Variants in BCAS3 observed in about 807,000 individuals in gnomAD.
The protein encoded by BCAS3 is BCAS3 microtubule associated cell migration factor.
In BCAS3, 53 loss-of-function variants were observed where a neutral mutation model predicts 116.1. The observed-to-expected ratio is 0.46, with a 90% CI of 0.37 to 0.57. The LOEUF (loss-of-function observed/expected upper bound fraction) is 0.57, where lower values mean the gene tolerates loss of function less well. Ranked by LOEUF, BCAS3 falls within the 20% of genes least tolerant of loss-of-function variation. The pLI is 0.00. For synonymous variants in BCAS3, 391 were observed against 408.2 expected (o/e 0.96, Z 0.51); for missense variants, 917 against 1,165.4 (o/e 0.79, Z 3.10).
Position 60,990,023 on chromosome 17 carries a change from T to G in BCAS3, c.1274T>G (p.Leu425Arg). ...HDCRWVVVST[L>R]RGTSHVFPIN... ...TGTCGCTGGGTTGTGGTCAGTACTC[T>G]CCGGGGTACTTCCCACGTTTTCCCC... is the stretch of plus-strand genomic sequence containing the variant. The change falls in exon 15 of 24, where the codon CTC (leucine) becomes CGC (arginine). Residue 425 changes from leucine (L) to arginine (R), a missense_variant. By Grantham distance (102) the Leu-to-Arg change is moderately radical (BLOSUM62 -2). Around this residue, in one of 3 missense-constraint regions of BCAS3, gnomAD observed 807 missense variants for 1,026.0 expected, o/e 0.79. Transcript: ENST00000407086. The surrounding 1 kb of genome is among the most constrained non-coding windows in gnomAD (Gnocchi z 5.1). 1 of 1,614,196 alleles carries G rather than the reference T, an allele frequency of 6.2e-7. No homozygotes were observed. The highest frequency in any genetic ancestry group is 8.5e-7 in the Non-Finnish European group (1 of 1,180,012).
At chr17:61,175,683 A>G (rs1009686357) in intron 22 of BCAS3, among the ~76,000 whole-genome samples, 1 of 152,172 alleles carries the variant, frequency 6.6e-6, no homozygotes, top group African/African-American at 2.4e-5. Context: ...CCCACCAACA[A>G]TACACTGTGG....
At chr17:60,944,034 A>G (rs1207964624) in intron 13 of BCAS3, among the ~76,000 whole-genome samples, 1 of 152,096 alleles carries the variant, frequency 6.6e-6, no homozygotes, top group Non-Finnish European at 1.5e-5. Flanking sequence ...AAAAGAAGAA[A>G]GTTCCTGAAA....
Position 61,083,666 on chromosome 17 carries a change from G to C in BCAS3, c.2328-801G>C, listed in dbSNP as rs2143531705. 6.6e-6 allele frequency among the ~76,000 whole-genome samples: 1 copy of C among 151,188 alleles called. No individual in the cohort carries two copies. Among genetic ancestry groups the C allele is most frequent in the African/African-American group, 2.4e-5 (1 of 41,102 alleles). Reference sequence around the variant, plus strand: ...GCTGGAGTGCAGTGGCACGATCTTGGCTCATTGCAACCTCTGGTTTTTGGG... The same window carrying C: ...GCTGGAGTGCAGTGGCACGATCTTGCCTCATTGCAACCTCTGGTTTTTGGG... On this transcript the variant is annotated intron_variant, in intron 21 of 23. Transcript: ENST00000407086. The surrounding 1 kb of genome is among the most constrained non-coding windows in gnomAD (Gnocchi z 4.9).
At chr17:60,727,365 A>AGC (rs1214230351) in intron 5 of BCAS3, 2 of 1,541,992 alleles carry the variant, frequency 1.3e-6, no homozygotes, top group African/African-American at 2.7e-5. Context: ...TTCCGATCAT[A>AGC]GCGCCTCTTT....
At chr17:60,875,013 CAT>C (rs2055459558) in intron 9 of BCAS3, among the ~76,000 whole-genome samples, 1 of 152,086 alleles carries the variant, frequency 6.6e-6, no homozygotes, top group Admixed American at 6.6e-5. Context: ...GATTTAGTTT[CAT>C]ATAGCTGTTT....
At position 61,008,129 on chromosome 17, in the gene BCAS3, C is replaced by T. The variant is rs971420228; in HGVS notation, c.1487-7622C>T. 6.6e-6 allele frequency among the ~76,000 whole-genome samples: 1 copy of T among 152,040 alleles called. No homozygotes were observed. The highest frequency in any genetic ancestry group is 6.6e-5 in the Admixed American group (1 of 15,244). On this transcript the variant is annotated intron_variant, in intron 15 of 23. Coordinates refer to ENST00000407086, the MANE Select transcript of BCAS3 (RefSeq NM_017679.5). This position sits in a 1 kb window ranked among gnomAD's most constrained non-coding sequence, Gnocchi z 4.6. ...GGCTCCTGTGAACAAGCATTGCTTC[C>T]GCCCAGTTTGGTATGTGGGTCAGAA...
chr17:61,370,534 G>A (rs564463219), intron 23 of BCAS3, among the ~76,000 whole-genome samples: 45 of 152,138 alleles, frequency 3.0e-4, no homozygotes, highest in African/African-American at 9.4e-4. Flanking sequence ...GATTACAGGC[G>A]CCCGCTACCA....
At chr17:61,290,356 T>C (rs2052262859) in intron 22 of BCAS3, among the ~76,000 whole-genome samples, 1 of 152,116 alleles carries the variant, frequency 6.6e-6, no homozygotes, top group Non-Finnish European at 1.5e-5. Flanking sequence ...AAAAATTATA[T>C]AGATGAAAAA....
At chr17:60,727,351 CTG>C (rs2039989235) in intron 5 of BCAS3, 2 of 1,500,104 alleles carry the variant, frequency 1.3e-6, no homozygotes, top group African/African-American at 2.7e-5. Flanking sequence ...CATAGCCACT[CTG>C]CTTCCGATCA....
chr17:61,123,654 A>G (rs1226852912), intron 22 of BCAS3, among the ~76,000 whole-genome samples: 1 of 151,722 alleles, frequency 6.6e-6, no homozygotes, highest in Non-Finnish European at 1.5e-5. Flanking sequence ...ACTCAGTCCC[A>G]GAAGACCTAA....
rs777815679 is a variant in BCAS3 at position 61,078,425 on chromosome 17, A to G, written c.2223A>G (p.Thr741=). Residue 741 remains threonine (T), a synonymous_variant, in exon 21 of 24, where the codon ACA becomes ACG. Transcript: ENST00000407086. ...CCATCCATCCCTCAGGCCAAACCAC[A>G]GTTATCTCATCCAGTTCATCTGTGT... is the stretch of plus-strand genomic sequence containing the variant. ...FKTIHPSGQT[T]VISSSSSVLQ... is the part of the protein sequence containing the mutation. 4 of 1,614,200 alleles carry G rather than the reference A, an allele frequency of 2.5e-6. No individual in the cohort carries two copies. In the South Asian group the frequency reaches 4.4e-5, roughly 18 times the overall value.
intron 12 of BCAS3, among the ~76,000 whole-genome samples, chr17:60,911,362 G>A (rs899238990): frequency 6.6e-6 from 1 of 152,012 alleles, no homozygotes; most frequent in Non-Finnish European, 1.5e-5. Flanking sequence ...GCAGTGGCAC[G>A]ATCTTGGCTC....
At chr17:60,723,318 G>A (rs1208445964) in intron 5 of BCAS3, among the ~76,000 whole-genome samples, 1 of 151,644 alleles carries the variant, frequency 6.6e-6, no homozygotes, top group African/African-American at 2.4e-5. Context: ...TCTGCCTCCC[G>A]AGTTCAAGCA....
chr17:60,810,415 A>G (rs1056345379), intron 7 of BCAS3: 2 of 523,578 alleles, frequency 3.8e-6, no homozygotes, highest in East Asian at 4.3e-5. Flanking sequence ...GAAAGAGACC[A>G]TGCAAAGCCT....
In BCAS3 at chr17:60,911,124, T is replaced by TTTTTTTTC. The variant is rs1567849480; in HGVS notation, c.993+429_993+430insCTTTTTTT. Among the ~76,000 whole-genome samples, 3 of 14,132 alleles carry TTTTTTTTC rather than the reference T, an allele frequency of 2.1e-4. 1 individual carries two copies. The highest frequency in any genetic ancestry group is 1.6e-4 in the Non-Finnish European group (1 of 6,140). The allele number at this position is 14,132 out of a possible 152,430, so 9.3% of individuals were successfully genotyped here. ...ATAAATTTTTTTCTTTTTTTCTTTC[T>TTTTTTTTC]TTTTTTTTTTTTTTTTGAGATGGAG... is the stretch of plus-strand genomic sequence containing the variant. On this transcript the variant is annotated intron_variant, in intron 12 of 23. Coordinates refer to ENST00000407086, the MANE Select transcript of BCAS3 (RefSeq NM_017679.5).
chr17:60,984,870 C>T (rs1052649547), intron 14 of BCAS3, among the ~76,000 whole-genome samples: 6 of 151,590 alleles, frequency 4.0e-5, no homozygotes, highest in African/African-American at 1.2e-4. Flanking sequence ...ATTAGATGGG[C>T]GTGGTGGTGC....
chr17:60,855,133 A>G (rs1244470515), intron 7 of BCAS3, among the ~76,000 whole-genome samples: 2 of 151,194 alleles, frequency 1.3e-5, no homozygotes, highest in African/African-American at 2.4e-5. Context: ...TATTTTTAGT[A>G]GAGACAGGGT....
chr17:60,773,493 G>A lies in BCAS3; in HGVS notation c.403+26214G>A, dbSNP rs554977179. Reference sequence around the variant, plus strand: ...TTTTTTGTAGAGATGGGGTTTTGCCGTGTTGCCCAGGGTGGTCTTAAACTC... The same window carrying A: ...TTTTTTGTAGAGATGGGGTTTTGCCATGTTGCCCAGGGTGGTCTTAAACTC... On this transcript the variant is annotated intron_variant, in intron 6 of 23. Transcript: ENST00000407086. Among the ~76,000 whole-genome samples, 8 of 151,860 alleles carry A rather than the reference G, an allele frequency of 5.3e-5. No homozygotes were observed. The South Asian group carries it at 6.2e-4, about 12-fold the overall frequency.
chr17:60,932,516 T>A (rs1025264421), intron 13 of BCAS3, among the ~76,000 whole-genome samples: 1 of 148,338 alleles, frequency 6.7e-6, no homozygotes. Context: ...CCGAGGCGGG[T>A]GGATCACAAG....
Sources: gnomAD v4.1 joint callset for allele counts (sites outside exome capture counted in the v4.1 genomes callset) on GRCh38, gnomAD v4.1.1 for gene constraint, gnomAD v4.1.1 regional missense constraint, Gnocchi (gnomAD v3.1) non-coding constraint, MANE v1.5 for transcripts, NCBI Gene and HGNC (gene_info 2026-07-23, HGNC 2026-07-21) for gene names.